Variants in DMD observed in about 807,000 individuals in gnomAD.
DMD encodes mutant dystrophin.
In DMD, 63 loss-of-function variants were observed where a neutral mutation model predicts 330.1. That is an observed-to-expected ratio of 0.19 (90% CI 0.16 to 0.24). The LOEUF (loss-of-function observed/expected upper bound fraction) is 0.24, where lower values mean the gene tolerates loss of function less well. DMD is among the 10% of genes least tolerant of loss of function. The pLI is 1.00. For synonymous variants in DMD, 1,223 were observed against 959.8 expected, an observed-to-expected ratio of 1.27 and a Z score of -5.07; for missense variants, 3,344 against 2,684.1, an observed-to-expected ratio of 1.25 and a Z score of -5.43.
intron 30 of DMD, among the ~76,000 whole-genome samples, chrX:32,392,264 T>C (rs1457291950): frequency 1.8e-5 from 2 of 110,651 alleles, no homozygotes; most frequent in East Asian, 5.7e-4. Context: ...ATTTAGTTAG[T>C]TATTTATGTT....
Position 33,300,760 on chromosome X carries a change from T to C in DMD, c.7+38499A>G, listed in dbSNP as rs142740599. Among the ~76,000 whole-genome samples the C allele has an allele frequency of 2.4e-3, 272 of 111,552 alleles. 1 individual carries two copies. Among genetic ancestry groups the C allele is most frequent in the Non-Finnish European group, 3.3e-3 (173 of 53,084 alleles). ...TCTGTTCTTTATAAGCCACCCTGTT[T>C]ATGGTATTTTTGTTACACCAGTCTA... On this transcript the variant is annotated intron_variant, in intron 1 of 17. Coordinates refer to the DMD transcript ENST00000288447.
chrX:31,642,619 T>C (rs1419633146), intron 54 of DMD, among the ~76,000 whole-genome samples: 1 of 111,539 alleles, frequency 9.0e-6, no homozygotes, highest in African/African-American at 3.3e-5. Context: ...CATTTCCTTA[T>C]TAATGCTCAC....
chrX:32,930,968 T>C (rs1165161719), intron 2 of DMD, among the ~76,000 whole-genome samples: 1 of 107,999 alleles, frequency 9.3e-6, no homozygotes, highest in African/African-American at 3.3e-5. Context: ...ATATGATTCA[T>C]ATATTATATA....
chrX:33,001,721 A>G (rs899837438), intron 2 of DMD, among the ~76,000 whole-genome samples: 3 of 85,547 alleles, frequency 3.5e-5, no homozygotes, highest in Admixed American at 1.2e-4. Context: ...AAAGCATTCA[A>G]ATAATTAATA....
intron 47 of DMD, among the ~76,000 whole-genome samples, chrX:31,916,335 C>T (rs1214813655): frequency 8.9e-6 from 1 of 112,144 alleles, no homozygotes; most frequent in Non-Finnish European, 1.9e-5. Context: ...GCAAATTTTA[C>T]ACTATTGGAG....
chrX:32,360,799 A>AT, intron 37 of DMD, among the ~76,000 whole-genome samples: 2 of 79,308 alleles, frequency 2.5e-5, no homozygotes, highest in Admixed American at 1.6e-4. Context: ...ACACACACAC[A>AT]AAATAATAAT....
intron 1 of DMD, among the ~76,000 whole-genome samples, chrX:33,267,300 C>T (rs993580631): frequency 2.7e-5 from 3 of 110,776 alleles, no homozygotes; most frequent in Non-Finnish European, 3.8e-5. Context: ...AGGAATACAC[C>T]TAACCAAGAT....
intron 19 of DMD, 117 bp downstream of exon 19, chrX:32,501,638 T>A: frequency 1.8e-6 from 1 of 567,282 alleles, no homozygotes; most frequent in Non-Finnish European, 3.0e-6. Context: ...TACAAACACC[T>A]TTTAATTTAA....
chrX:32,722,299 C>T (rs373381057), intron 7 of DMD, among the ~76,000 whole-genome samples: 1 of 110,582 alleles, frequency 9.0e-6, no homozygotes, highest in East Asian at 2.8e-4. Context: ...AATACAACAA[C>T]AAAAAATATT....
At chrX:32,529,799 C>T (rs2047311499) in intron 17 of DMD, among the ~76,000 whole-genome samples, 1 of 111,045 alleles carries the variant, frequency 9.0e-6, no homozygotes, top group Non-Finnish European at 1.9e-5. Flanking sequence ...CCTATAAACT[C>T]TTCAGTGGTT....
intron 55 of DMD, among the ~76,000 whole-genome samples, chrX:31,553,840 G>A (rs1449688597): frequency 8.9e-6 from 1 of 112,551 alleles, no homozygotes; most frequent in Non-Finnish European, 1.9e-5. Context: ...CAGCCATATG[G>A]TTAATAGTTG....
intron 55 of DMD, among the ~76,000 whole-genome samples, chrX:31,515,230 G>C (rs764304237): frequency 9.0e-5 from 10 of 111,556 alleles, no homozygotes; most frequent in Non-Finnish European, 1.7e-4. Context: ...CCATTAAGCA[G>C]ATGGTTGTGA....
intron 55 of DMD, among the ~76,000 whole-genome samples, chrX:31,605,696 A>G (rs1009646710): frequency 9.0e-6 from 1 of 111,412 alleles, no homozygotes; most frequent in Admixed American, 9.5e-5. Flanking sequence ...ATGAGCAATG[A>G]ATGTGGTAAT....
intron 54 of DMD, among the ~76,000 whole-genome samples, chrX:31,628,082 G>T (rs763359012): frequency 2.6e-4 from 29 of 111,141 alleles, no homozygotes; most frequent in Non-Finnish European, 5.1e-4. Context: ...GGGAAGGCAT[G>T]CAAGAATGAC....
At chrX:31,217,672 T>C (rs754240012) in intron 64 of DMD, among the ~76,000 whole-genome samples, 12 of 112,160 alleles carry the variant, frequency 1.1e-4, no homozygotes, top group Non-Finnish European at 2.1e-4. Context: ...GACAAAAGCC[T>C]GGAAGCTAAA....
At chrX:32,428,874 AG>A (rs1306081198) in intron 29 of DMD, among the ~76,000 whole-genome samples, 2 of 111,763 alleles carry the variant, frequency 1.8e-5, no homozygotes, top group Non-Finnish European at 3.8e-5. Context: ...GGCCTCTCAA[AG>A]TGCTGGGATT....
At chrX:32,294,775 A>G (rs2097488609) in intron 42 of DMD, among the ~76,000 whole-genome samples, 1 of 111,147 alleles carries the variant, frequency 9.0e-6, no homozygotes, top group African/African-American at 3.3e-5. Flanking sequence ...TCCTCAAGGC[A>G]CTGCACACAG....
chrX:31,768,457 C>T (rs780035969), intron 51 of DMD, among the ~76,000 whole-genome samples: 3 of 108,740 alleles, frequency 2.8e-5, no homozygotes, highest in Non-Finnish European at 5.7e-5. Flanking sequence ...TCCCCTTTTT[C>T]CTGCTTTCCT....
chrX:32,382,451 AAGC>A (rs2147497765), intron 33 of DMD, among the ~76,000 whole-genome samples: 1 of 111,506 alleles, frequency 9.0e-6, no homozygotes, highest in South Asian at 3.7e-4. Context: ...AATATGTATA[AAGC>A]ATCTAAAATG....
Sources: allele counts gnomAD v4.1 joint callset (sites outside exome capture counted in the v4.1 genomes callset), GRCh38; gene constraint gnomAD v4.1.1; transcripts MANE v1.5; gene names NCBI Gene and HGNC (gene_info 2026-07-23, HGNC 2026-07-21).